The following PDZD2 variants were observed in gnomAD, a reference collection of about 807,000 sequenced individuals.
PDZD2 encodes the protein PDZ domain containing 2, also known as PDZ domain-containing protein 2.
Under a neutral mutation model 220.7 loss-of-function variants are expected in PDZD2, and 90 were observed. The ratio of observed to expected loss-of-function variants is 0.41; its 90% CI spans 0.34 to 0.49. The LOEUF is 0.49. Among genes scored for constraint, PDZD2 ranks in the 20% least tolerant of loss-of-function variants. PDZD2 has a pLI of 0.28. For synonymous variants in PDZD2, 1,375 were observed against 1,450.5 expected, an observed-to-expected ratio of 0.95 and a Z score of 1.18; for missense variants, 3,174 against 3,608.5, an observed-to-expected ratio of 0.88 and a Z score of 3.08.
At chr5:31,769,548 T>G (rs1473245725) in intron 1 of PDZD2, among the ~76,000 whole-genome samples, 1 of 152,248 alleles carries the variant, frequency 6.6e-6, no homozygotes, top group Non-Finnish European at 1.5e-5. Context: ...AGCTGAATTT[T>G]GCCTAAAAGA....
intron 2 of PDZD2, among the ~76,000 whole-genome samples, chr5:31,860,499 C>T (rs569439688): frequency 5.9e-5 from 9 of 152,310 alleles, no homozygotes; most frequent in Admixed American, 1.3e-4. Flanking sequence ...GCAATCCTCC[C>T]TTTACCCTCA....
At chr5:31,726,044 A>G (rs1749114701) in intron 1 of PDZD2, 1 of 338,998 alleles carries the variant, frequency 2.9e-6, no homozygotes, top group Non-Finnish European at 5.3e-6. Flanking sequence ...CCGAGAAGGC[A>G]GGAGCACAGC....
At chr5:31,730,140 T>C (rs1749438148) in intron 1 of PDZD2, among the ~76,000 whole-genome samples, 1 of 152,180 alleles carries the variant, frequency 6.6e-6, no homozygotes, top group Non-Finnish European at 1.5e-5. Context: ...GAGTTAGTTA[T>C]TAATAACTAT....
chr5:32,011,306 T>C (rs1219549792), intron 6 of PDZD2, among the ~76,000 whole-genome samples: 2 of 147,716 alleles, frequency 1.4e-5, no homozygotes, highest in Non-Finnish European at 3.0e-5. Flanking sequence ...CTGGCCAACA[T>C]GACGAAACCC....
chr5:31,954,792 C>A (rs532008046), intron 2 of PDZD2, among the ~76,000 whole-genome samples: 5 of 151,904 alleles, frequency 3.3e-5, no homozygotes, highest in African/African-American at 9.7e-5. Context: ...CAAAATTAGC[C>A]GGGCGTGGTG....
chr5:31,804,411 C>T (rs1386260043), intron 2 of PDZD2, among the ~76,000 whole-genome samples: 1 of 152,166 alleles, frequency 6.6e-6, no homozygotes. Context: ...TTTTTCACTC[C>T]CTACTTCTCT....
chr5:32,056,426 T>C (rs1739086260), intron 10 of PDZD2, among the ~76,000 whole-genome samples: 1 of 152,180 alleles, frequency 6.6e-6, no homozygotes, highest in African/African-American at 2.4e-5. Flanking sequence ...GAGTCCCTCT[T>C]CTCTACAGCA....
chr5:31,863,895 G>A (rs1737953804), intron 2 of PDZD2, among the ~76,000 whole-genome samples: 2 of 152,130 alleles, frequency 1.3e-5, no homozygotes, highest in Admixed American at 1.3e-4. Context: ...AAAGTCATAA[G>A]ACATTTGTCC....
chr5:31,893,652 C>T (rs757699001), intron 2 of PDZD2, among the ~76,000 whole-genome samples: 2 of 152,118 alleles, frequency 1.3e-5, no homozygotes, highest in Non-Finnish European at 2.9e-5. Context: ...ATAAATGTAG[C>T]GATCAGCTAT....
At position 32,087,700 on chromosome 5, in the gene PDZD2, G is replaced by A; in HGVS notation, c.4252G>A (p.Gly1418Arg). 6.2e-7 allele frequency: 1 copy of A among 1,614,056 alleles called. No individual in the cohort carries two copies. Among genetic ancestry groups the A allele is most frequent in the African/African-American group, 1.3e-5 (1 of 75,060 alleles). The change falls in exon 20 of 25, where the codon GGG (glycine) becomes AGG (arginine). Residue 1418 changes from glycine to arginine, a missense_variant. Gly to Arg is a moderately radical substitution (Grantham distance 125, BLOSUM62 -2). Coordinates refer to ENST00000438447, the MANE Select transcript of PDZD2 (RefSeq NM_178140.4). The surrounding 1 kb of genome is among the most constrained non-coding windows in gnomAD (Gnocchi z 4.0). ...TGTCTCGGGGCACTGCTGCCCAGGG[G>A]GGAGTAGAGAGAGCCCTGTGACGGA... ...GHVSGHCCPG[G>R]SRESPVTDID...
intron 2 of PDZD2, among the ~76,000 whole-genome samples, chr5:31,927,075 C>G (rs1400662817): frequency 6.6e-6 from 1 of 152,102 alleles, no homozygotes; most frequent in East Asian, 1.9e-4. Flanking sequence ...TAGAGGGGGT[C>G]AGGGCCCAGG....
At chr5:31,809,418 C>T (rs571547467) in intron 2 of PDZD2, among the ~76,000 whole-genome samples, 1 of 152,344 alleles carries the variant, frequency 6.6e-6, no homozygotes, top group South Asian at 2.1e-4. Context: ...CTGTCTGTGA[C>T]TGGTGTTTTT....
chr5:32,080,347 CAAAAAAAA>C (rs35491724), intron 19 of PDZD2, among the ~76,000 whole-genome samples: 18 of 54,272 alleles, frequency 3.3e-4, no homozygotes, highest in South Asian at 8.9e-4. Context: ...GACTCCATCT[CAAAAAAAA>C]AAAAAAAAAA....
chr5:31,794,807 T>C (rs1454334305), intron 1 of PDZD2, among the ~76,000 whole-genome samples: 5 of 152,206 alleles, frequency 3.3e-5, no homozygotes, highest in Admixed American at 2.0e-4. Context: ...GATAGCATTT[T>C]CTAAAAGTGA....
At chr5:31,759,304 G>A (rs117792435) in intron 1 of PDZD2, among the ~76,000 whole-genome samples, 6 of 152,226 alleles carry the variant, frequency 3.9e-5, no homozygotes, top group East Asian at 3.9e-4. Flanking sequence ...ACACACACCC[G>A]GCTCTTCGAG....
Position 32,000,127 on chromosome 5 carries a change from C to T in PDZD2, c.1122-12C>T, listed in dbSNP as rs1338490951. 5 of 1,613,636 alleles carry T rather than the reference C, an allele frequency of 3.1e-6. No homozygotes were observed. The highest frequency in any genetic ancestry group is 1.1e-5 in the South Asian group (1 of 90,972). On this transcript the variant is annotated splice_polypyrimidine_tract_variant and intron_variant, in intron 4 of 24. Coordinates refer to ENST00000438447, the MANE Select transcript of PDZD2 (RefSeq NM_178140.4). This position sits in a 1 kb window ranked among gnomAD's most constrained non-coding sequence, Gnocchi z 4.5. The stretch of plus-strand genomic sequence containing the variant: ...TTGACAAGGGATCTTTTTCCCATCT[C>T]CCTTTCCTCAGGGATGGCAGGCTGT...
At chr5:31,666,410 AT>A (rs770452378) in intron 1 of PDZD2, among the ~76,000 whole-genome samples, 28 of 152,242 alleles carry the variant, frequency 1.8e-4, no homozygotes, top group Non-Finnish European at 3.5e-4. Context: ...TATTAAAAAA[AT>A]ATTTTCTTAC....
intron 5 of PDZD2, among the ~76,000 whole-genome samples, chr5:32,003,471 C>A (rs72759666): frequency 0.52 from 49,933 of 96,312 alleles, 16,694 homozygotes; most frequent in Non-Finnish European, 0.71. Flanking sequence ...CCCACCCCCC[C>A]CACACCACAC....
In PDZD2 at chr5:32,093,044, C is replaced by T. The variant is rs1332512909; in HGVS notation, c.7845+20C>T. The stretch of plus-strand genomic sequence containing the variant: ...TCAGAGGTGAGTGAAACACAGAAAG[C>T]TCAGGAACATGAATTGCGGCCGCGT... On this transcript the variant is annotated intron_variant, in intron 21 of 24. Coordinates refer to ENST00000438447, the MANE Select transcript of PDZD2 (RefSeq NM_178140.4). The T allele has an allele frequency of 2.3e-6, 3 of 1,285,640 alleles. No individual in the cohort carries two copies. Among genetic ancestry groups the T allele is most frequent in the Non-Finnish European group, 3.4e-6 (3 of 884,000 alleles). The allele number at this position is 1,285,640 out of a possible 1,614,324, so 79.6% of individuals were successfully genotyped here. A position where few individuals can be genotyped will look rare whatever the true frequency, so the allele number is the denominator to read the frequency against.
Sources: allele counts gnomAD v4.1 joint callset (sites outside exome capture counted in the v4.1 genomes callset), GRCh38; gene constraint gnomAD v4.1.1; non-coding constraint Gnocchi (gnomAD v3.1); transcripts MANE v1.5; gene names NCBI Gene and HGNC (gene_info 2026-07-23, HGNC 2026-07-21).